Variants in NALCN observed in about 807,000 individuals in gnomAD.
The protein encoded by NALCN is sodium leak channel NALCN.
In NALCN, 111 loss-of-function variants were observed where a neutral mutation model predicts 225.3. The observed-to-expected ratio is 0.49, with a 90% CI of 0.42 to 0.58. The LOEUF (loss-of-function observed/expected upper bound fraction) is 0.58. Among genes scored for constraint, NALCN ranks in the 20% least tolerant of loss-of-function variants. The pLI, the probability that NALCN is intolerant of heterozygous loss-of-function variation, is 0.00. For missense variants in NALCN, 1,378 were observed against 2,202.4 expected (o/e 0.63, Z 7.49); for synonymous variants, 764 against 769.0 (o/e 0.99, Z 0.11).
At chr13:101,349,862 A>G (rs2045857166) in intron 6 of NALCN, among the ~76,000 whole-genome samples, 1 of 152,136 alleles carries the variant, frequency 6.6e-6, no homozygotes, top group South Asian at 2.1e-4. Flanking sequence ...CTCCAGCTCA[A>G]TAGGTCCCTT....
At position 101,124,675 on chromosome 13, in the gene NALCN, T is replaced by C. The variant is rs1404391328; in HGVS notation, c.2125A>G (p.Lys709Glu). 6.2e-6 allele frequency: 10 copies of C among 1,613,904 alleles called. No individual in the cohort carries two copies. The highest frequency in any genetic ancestry group is 8.5e-6 in the Non-Finnish European group (10 of 1,179,930). Residue 709 changes from lysine to glutamate, a missense_variant, in exon 18 of 44, where the codon AAG (lysine) becomes GAG (glutamate). Lys to Glu is a moderately conservative substitution (Grantham distance 56). Transcript: ENST00000251127. ...CTTGCCCTGATGCTGAAAACAGACT[T>C]GCGAAGCTGAAAATGATAAGAGTAT... ...DNKYIDQKLR[K>E]SVFSIRARNL...
chr13:101,193,259 G>T (rs914660868), intron 13 of NALCN, among the ~76,000 whole-genome samples: 1 of 152,128 alleles, frequency 6.6e-6, no homozygotes, highest in African/African-American at 2.4e-5. Context: ...CCTGCATTCA[G>T]TGAAGTCTAC....
chr13:101,111,794 G>A (rs1030754517), intron 18 of NALCN, among the ~76,000 whole-genome samples: 7 of 152,124 alleles, frequency 4.6e-5, no homozygotes, highest in African/African-American at 7.2e-5. Context: ...CTATGATTGT[G>A]AGGCCTCTCC....
intron 6 of NALCN, among the ~76,000 whole-genome samples, chr13:101,352,435 C>A (rs2045932898): frequency 6.6e-6 from 1 of 151,974 alleles, no homozygotes; most frequent in African/African-American, 2.4e-5. Flanking sequence ...TCAGAGCCTG[C>A]ATTTGCATAT....
chr13:101,056,791 C>A lies in NALCN; in HGVS notation c.5023+1148G>T, dbSNP rs572482705. The stretch of plus-strand genomic sequence containing the variant: ...CCTCCTTTGCTGCCAAGTCAACTTC[C>A]TAAAGCACAGATTCCAAAAGTCACA... On this transcript the variant is annotated intron_variant, in intron 43 of 43. Coordinates refer to ENST00000251127, the MANE Select transcript of NALCN (RefSeq NM_052867.4). Among the ~76,000 whole-genome samples the A allele has an allele frequency of 1.7e-4, 26 of 152,264 alleles. 1 individual carries two copies. The South Asian group carries it at 5.2e-3, about 30-fold the overall frequency.
intron 13 of NALCN, among the ~76,000 whole-genome samples, chr13:101,219,336 G>A (rs893076410): frequency 3.3e-5 from 5 of 152,158 alleles, no homozygotes; most frequent in African/African-American, 1.2e-4. Context: ...GGAGGGTAAT[G>A]AGGATCCTGG....
chr13:101,141,650 A>G (rs2037082836), intron 17 of NALCN, among the ~76,000 whole-genome samples: 1 of 151,798 alleles, frequency 6.6e-6, no homozygotes, highest in African/African-American at 2.4e-5. Context: ...GGGGGAGGTG[A>G]AAAAGGAGGA....
At chr13:101,413,468 T>C (rs1363236107) in intron 1 of NALCN, among the ~76,000 whole-genome samples, 1 of 152,064 alleles carries the variant, frequency 6.6e-6, no homozygotes, top group African/African-American at 2.4e-5. Context: ...TATGAGGCTG[T>C]ATTTACTGGG....
chr13:101,107,114 C>T (rs577096689), intron 22 of NALCN, among the ~76,000 whole-genome samples: 1 of 152,208 alleles, frequency 6.6e-6, no homozygotes, highest in Non-Finnish European at 1.5e-5. Flanking sequence ...AAAGGAACTA[C>T]AAGCCTCATG....
chr13:101,215,468 A>G (rs2040693337), intron 13 of NALCN, among the ~76,000 whole-genome samples: 1 of 152,112 alleles, frequency 6.6e-6, no homozygotes, highest in South Asian at 2.1e-4. Flanking sequence ...GCATGGTGTA[A>G]TATAACTGTG....
chr13:101,147,651 G>T (rs1486131594), intron 15 of NALCN, among the ~76,000 whole-genome samples: 1 of 152,112 alleles, frequency 6.6e-6, no homozygotes, highest in Non-Finnish European at 1.5e-5. Flanking sequence ...GGATCCTCTT[G>T]CCTCAGCCTC....
At chr13:101,416,211 C>G (rs1677668307) in intron 1 of NALCN, 102 bp downstream of exon 1, 1 of 152,062 alleles carries the variant, frequency 6.6e-6, no homozygotes, top group Admixed American at 6.6e-5. Context: ...CGTCCTGGCC[C>G]GGACCGGCCA....
chr13:101,312,724 G>C (rs1302910864), intron 7 of NALCN, among the ~76,000 whole-genome samples: 1 of 152,152 alleles, frequency 6.6e-6, no homozygotes, highest in African/African-American at 2.4e-5. Flanking sequence ...TGGTCTGAGA[G>C]ACAGTTTGTT....
intron 7 of NALCN, among the ~76,000 whole-genome samples, chr13:101,338,155 C>A (rs572426983): frequency 1.3e-5 from 2 of 152,162 alleles, no homozygotes; most frequent in East Asian, 1.9e-4. Flanking sequence ...GCTTTACCTT[C>A]GACTTTTGAA....
intron 15 of NALCN, among the ~76,000 whole-genome samples, chr13:101,145,593 G>A (rs572884277): frequency 6.6e-5 from 10 of 152,242 alleles, no homozygotes; most frequent in Admixed American, 3.3e-4. Context: ...TCATAAACTG[G>A]AACAAGGCTG....
intron 11 of NALCN, among the ~76,000 whole-genome samples, chr13:101,254,566 G>A (rs1171667263): frequency 2.6e-5 from 4 of 151,828 alleles, no homozygotes; most frequent in African/African-American, 9.7e-5. Flanking sequence ...TTAGTTTTTA[G>A]CTGGTTAACT....
At chr13:101,325,625 A>G (rs1285800632) in intron 7 of NALCN, among the ~76,000 whole-genome samples, 1 of 152,164 alleles carries the variant, frequency 6.6e-6, no homozygotes. Context: ...TTTGTTCATC[A>G]TCCAGGCTAG....
intron 7 of NALCN, among the ~76,000 whole-genome samples, chr13:101,295,399 T>A (rs2043708109): frequency 6.6e-6 from 1 of 152,220 alleles, no homozygotes; most frequent in African/African-American, 2.4e-5. Context: ...CTGTATTAAC[T>A]GAGCATTTTC....
intron 7 of NALCN, among the ~76,000 whole-genome samples, chr13:101,312,522 A>G (rs1289058172): frequency 6.7e-6 from 1 of 150,128 alleles, no homozygotes; most frequent in Non-Finnish European, 1.5e-5. Context: ...CCCTCTACAC[A>G]CTGCTTTGAA....
Sources: gnomAD v4.1 joint callset for allele counts (sites outside exome capture counted in the v4.1 genomes callset) on GRCh38, gnomAD v4.1.1 for gene constraint, MANE v1.5 for transcripts, NCBI Gene and HGNC (gene_info 2026-07-23, HGNC 2026-07-21) for gene names.